COMMD1: variants seen among roughly 807,000 people sequenced by gnomAD.
COMMD1 encodes copper metabolism domain containing 1, also known as COMM domain-containing protein 1.
Under a neutral mutation model 17.2 loss-of-function variants are expected in COMMD1, and 10 were observed. The observed-to-expected ratio is 0.58, with a 90% confidence interval of 0.36 to 0.99. The LOEUF (loss-of-function observed/expected upper bound fraction) is 0.99, where lower values mean the gene tolerates loss of function less well. COMMD1 is among the 50% of genes least tolerant of loss of function. The pLI is 0.01. For missense variants in COMMD1, 270 were observed against 231.8 expected, an observed-to-expected ratio of 1.17 and a Z score of -1.07; for synonymous variants, 97 against 91.6, an observed-to-expected ratio of 1.06 and a Z score of -0.34.
chr2:61,905,931 T>G (rs1669761505), intron 1 of COMMD1, 73 bp downstream of exon 1: 1 of 1,456,370 alleles, frequency 6.9e-7, no homozygotes, highest in East Asian at 2.3e-5. Flanking sequence ...CTCCCCCCCT[T>G]GCCTTCCCCT....
At chr2:61,915,551 T>C (rs929859777) in intron 1 of COMMD1, 4 of 266,456 alleles carry the variant, frequency 1.5e-5, no homozygotes, top group African/African-American at 6.9e-5. Context: ...TGCAGTGGCA[T>C]GATCATGTCT....
chr2:62,063,076 G>A (rs1022103072), intron 2 of COMMD1, among the ~76,000 whole-genome samples: 1 of 151,964 alleles, frequency 6.6e-6, no homozygotes, highest in African/African-American at 2.4e-5. Flanking sequence ...AATTAGCTGG[G>A]TGTGGTGGCA....
At chr2:61,917,957 C>T (rs1366482734) in intron 1 of COMMD1, among the ~76,000 whole-genome samples, 2 of 152,178 alleles carry the variant, frequency 1.3e-5, no homozygotes, top group African/African-American at 2.4e-5. Flanking sequence ...CTTTTGACTT[C>T]TTAGGTCATA....
chr2:61,982,343 TATC>T (rs1407052434), intron 1 of COMMD1, among the ~76,000 whole-genome samples: 1 of 152,228 alleles, frequency 6.6e-6, no homozygotes, highest in Non-Finnish European at 1.5e-5. Flanking sequence ...GTTAATTTTG[TATC>T]ATGCAACTTT....
chr2:61,888,620 G>C (rs1056843830), upstream of COMMD1: 2 of 1,299,470 alleles, frequency 1.5e-6, no homozygotes, highest in African/African-American at 1.5e-5. Flanking sequence ...CTTCCAGAAA[G>C]CGGCGCCGGC....
chr2:61,982,106 T>TC (rs1671970352), intron 1 of COMMD1, among the ~76,000 whole-genome samples: 1 of 152,358 alleles, frequency 6.6e-6, no homozygotes, highest in African/African-American at 2.4e-5. Flanking sequence ...TATTGATTCT[T>TC]CCAATCCATG....
intron 2 of COMMD1, among the ~76,000 whole-genome samples, chr2:62,132,949 C>T (rs61222251): frequency 0.051 from 7,821 of 152,296 alleles, 695 homozygotes; most frequent in African/African-American, 0.18. Context: ...ACTGAACTGC[C>T]TAATTTGTCA....
chr2:61,905,702 T>G lies in COMMD1; in HGVS notation c.24T>G (p.Gly8=). The change falls in exon 1 of 3, where the codon GGT becomes GGG. Residue 8 remains glycine, a synonymous_variant. Transcript: ENST00000311832. The stretch of plus-strand genomic sequence containing the variant: ...GCATGGCGGCGGGCGAGCTTGAGGG[T>G]GGCAAACCCCTGAGCGGGCTGCTGA... MAAGELE[G]GKPLSGLLNA... The G allele has an allele frequency of 1.3e-6, 2 of 1,582,068 alleles. No individual in the cohort carries two copies. Among genetic ancestry groups the G allele is most frequent in the East Asian group, 2.3e-5 (1 of 43,766 alleles).
intron 2 of COMMD1, among the ~76,000 whole-genome samples, chr2:62,125,978 T>G (rs1390864272): frequency 6.6e-6 from 1 of 152,154 alleles, no homozygotes; most frequent in Admixed American, 6.5e-5. Flanking sequence ...TGTCCATGTG[T>G]TCTCATTGTT....
intron 2 of COMMD1, among the ~76,000 whole-genome samples, chr2:62,068,341 C>T (rs1342187545): frequency 6.6e-6 from 1 of 152,196 alleles, no homozygotes; most frequent in African/African-American, 2.4e-5. Context: ...CAGTGTCTGG[C>T]TTTTCATTCT....
intron 1 of COMMD1, among the ~76,000 whole-genome samples, chr2:61,964,175 G>T (rs1173467610): frequency 6.6e-6 from 1 of 152,170 alleles, no homozygotes; most frequent in Non-Finnish European, 1.5e-5. Context: ...AATGTTGCAA[G>T]AATTTGTTAC....
chr2:61,977,777 C>T (rs565927139), intron 1 of COMMD1, among the ~76,000 whole-genome samples: 1 of 151,738 alleles, frequency 6.6e-6, no homozygotes, highest in Non-Finnish European at 1.5e-5. Context: ...ACTTGAGGCC[C>T]ACAGTTTGAG....
chr2:62,071,012 T>C (rs1002059330), intron 2 of COMMD1, among the ~76,000 whole-genome samples: 3 of 152,066 alleles, frequency 2.0e-5, no homozygotes, highest in African/African-American at 7.2e-5. Flanking sequence ...GCCTGGATGA[T>C]AGAGCAAGAC....
At chr2:62,099,056 C>T in intron 2 of COMMD1, among the ~76,000 whole-genome samples, 1 of 152,168 alleles carries the variant, frequency 6.6e-6, no homozygotes, top group South Asian at 2.1e-4. Flanking sequence ...GGAGCAACTA[C>T]TCTATTATTT....
At chr2:62,131,654 C>T (rs1217375352) in intron 2 of COMMD1, among the ~76,000 whole-genome samples, 1 of 151,610 alleles carries the variant, frequency 6.6e-6, no homozygotes, top group African/African-American at 2.4e-5. Context: ...GCAATCCTTC[C>T]GCCTCAGCCT....
intron 1 of COMMD1, among the ~76,000 whole-genome samples, chr2:61,969,812 T>A (rs1671598778): frequency 6.6e-6 from 1 of 152,200 alleles, no homozygotes; most frequent in Non-Finnish European, 1.5e-5. Flanking sequence ...TTCCAGTCAT[T>A]CTTTCTTCCT....
chr2:62,116,676 C>CAAAAA (rs70962759), intron 2 of COMMD1, among the ~76,000 whole-genome samples: 2 of 28,540 alleles, frequency 7.0e-5, no homozygotes, highest in Non-Finnish European at 1.2e-4. Context: ...TGTCTCATTA[C>CAAAAA]AAAAAAAAAA....
intron 2 of COMMD1, among the ~76,000 whole-genome samples, chr2:62,127,167 A>G (rs900373238): frequency 5.9e-5 from 9 of 152,186 alleles, no homozygotes; most frequent in African/African-American, 1.2e-4. Flanking sequence ...TACAGCTAAC[A>G]AGGGAAATGA....
intron 2 of COMMD1, among the ~76,000 whole-genome samples, chr2:62,038,071 CT>C (rs776713816): frequency 3.3e-5 from 5 of 152,038 alleles, no homozygotes; most frequent in Non-Finnish European, 7.4e-5. Flanking sequence ...GGAGGATCAC[CT>C]GAGGTTAGGA....
Sources: gnomAD v4.1 joint callset for allele counts (sites outside exome capture counted in the v4.1 genomes callset) on GRCh38, gnomAD v4.1.1 for gene constraint, MANE v1.5 for transcripts, NCBI Gene and HGNC (gene_info 2026-07-23, HGNC 2026-07-21) for gene names.